Variants in IL12RB1 observed in about 807,000 individuals in gnomAD.
The protein encoded by IL12RB1 is interleukin-12 receptor subunit beta-1.
In IL12RB1, 64 loss-of-function variants were observed where a neutral mutation model predicts 94.4. The ratio of observed to expected loss-of-function variants is 0.68; its 90% CI spans 0.55 to 0.83. The LOEUF is 0.83. Among genes scored for constraint, IL12RB1 ranks in the 40% least tolerant of loss-of-function variants. IL12RB1 has a pLI of 0.00. For synonymous variants in IL12RB1, 362 were observed against 355.5 expected, an observed-to-expected ratio of 1.02 and a Z score of -0.21; for missense variants, 814 against 855.6, an observed-to-expected ratio of 0.95 and a Z score of 0.61.
intron 14 of IL12RB1, 139 bp from the exon 15 acceptor site, chr19:18,061,336 T>C: frequency 1.8e-6 from 1 of 569,356 alleles, no homozygotes; most frequent in Non-Finnish European, 3.2e-6. Flanking sequence ...GTTCAATCGA[T>C]TCTCCTGACT....
chr19:18,074,951 C>T (rs1408910784), intron 7 of IL12RB1, among the ~76,000 whole-genome samples: 2 of 151,426 alleles, frequency 1.3e-5, no homozygotes, highest in African/African-American at 2.4e-5. Context: ...ACTTGGGAGG[C>T]TGAGGCAGGA....
rs1403702969 is a variant in IL12RB1, at chr19:18,082,193, A to G, written c.196T>C (p.Tyr66His). Residue 66 changes from tyrosine (Y) to histidine (H), a missense_variant, in exon 3 of 17, where the codon TAT becomes CAT. Physicochemically the swap from Tyr to His is moderately conservative, Grantham distance 83 (BLOSUM62 2). Transcript: ENST00000593993. ...SSDRYECSWQ[Y>H]EGPTAGVSHF... ...CTGACCCCAGCTGTGGGACCCTCAT[A>G]CTGCCAGGAGCACTCGTAACGATCA... The G allele has an allele frequency of 6.2e-7, 1 of 1,613,758 alleles. No homozygotes were observed. Among genetic ancestry groups the G allele is most frequent in the African/African-American group, 1.3e-5 (1 of 74,894 alleles).
At chr19:18,061,773 G>A (rs556758234) in intron 14 of IL12RB1, among the ~76,000 whole-genome samples, 1 of 151,872 alleles carries the variant, frequency 6.6e-6, no homozygotes, top group Non-Finnish European at 1.5e-5. Flanking sequence ...TGAGACAGGA[G>A]AATGGCTTGA....
chr19:18,088,126 G>A (rs139523361), upstream of IL12RB1, among the ~76,000 whole-genome samples: 3,618 of 151,938 alleles, frequency 0.024, 133 homozygotes, highest in African/African-American at 0.082. Flanking sequence ...GGTGGCTCAC[G>A]CCTGTAATCC....
At chr19:18,061,338 C>T (rs1239263026) in intron 14 of IL12RB1, 141 bp from the exon 15 acceptor site, 3 of 569,496 alleles carry the variant, frequency 5.3e-6, no homozygotes, top group Non-Finnish European at 9.5e-6. Context: ...TCAATCGATT[C>T]TCCTGACTCA....
chr19:18,076,592 C>T (rs1177636224), intron 5 of IL12RB1, among the ~76,000 whole-genome samples: 2 of 151,890 alleles, frequency 1.3e-5, no homozygotes, highest in South Asian at 2.1e-4. Context: ...TTGGTAGAGA[C>T]GGGATTTCAC....
At chr19:18,088,674 A>C (rs1232848445), upstream of IL12RB1, among the ~76,000 whole-genome samples, 5 of 152,036 alleles carry the variant, frequency 3.3e-5, no homozygotes, top group Non-Finnish European at 7.4e-5. Context: ...CACTGTCGGC[A>C]AAGCCTCTAA....
At chr19:18,077,276 C>T (rs181122598) in intron 5 of IL12RB1, among the ~76,000 whole-genome samples, 52 of 151,894 alleles carry the variant, frequency 3.4e-4, no homozygotes, top group Admixed American at 7.2e-4. Context: ...GCAGGACAAT[C>T]GCTTGAACCC....
intron 7 of IL12RB1, among the ~76,000 whole-genome samples, chr19:18,075,203 T>C (rs2035370172): frequency 6.6e-6 from 1 of 151,840 alleles, no homozygotes; most frequent in Non-Finnish European, 1.5e-5. Flanking sequence ...CACCACCTTG[T>C]TTCTAATACC....
intron 5 of IL12RB1, among the ~76,000 whole-genome samples, chr19:18,076,612 C>T (rs537805921): frequency 1.3e-5 from 2 of 152,086 alleles, no homozygotes; most frequent in Non-Finnish European, 2.9e-5. Flanking sequence ...CCATGTTGCC[C>T]AGGCTGGTCT....
intron 1 of IL12RB1, among the ~76,000 whole-genome samples, chr19:18,094,809 A>G (rs2036811806): frequency 6.6e-6 from 1 of 152,048 alleles, no homozygotes. Flanking sequence ...ACAAAACAAA[A>G]CAACCCAAAA....
intron 2 of IL12RB1, 130 bp downstream of exon 2, chr19:18,083,302 G>T: frequency 1.2e-6 from 1 of 866,386 alleles, no homozygotes; most frequent in South Asian, 1.3e-5. Context: ...TGGTGGGGTG[G>T]GGACTCCCAA....
chr19:18,072,096 C>A lies in IL12RB1; in HGVS notation c.1021+16G>T, dbSNP rs1158557383. 2.6e-6 allele frequency: 4 copies of A among 1,566,046 alleles called. No individual in the cohort carries two copies. Among genetic ancestry groups the A allele is most frequent in the South Asian group, 1.1e-5 (1 of 90,206 alleles). On this transcript the variant is annotated intron_variant, in intron 9 of 16. Coordinates refer to ENST00000593993, the MANE Select transcript of IL12RB1 (RefSeq NM_005535.3). ...TGAGGGGCCCTCATACCGCCCTCCC[C>A]ACCCAGAGGAGGCACCTGTGTGGGT...
chr19:18,063,725 C>T, intron 13 of IL12RB1, 151 bp downstream of exon 13: 2 of 643,688 alleles, frequency 3.1e-6, no homozygotes, highest in South Asian at 2.4e-5. Context: ...CGAGAGAAGG[C>T]AATGGGAGCA....
chr19:18,075,882 G>A lies in IL12RB1; in HGVS notation c.581-14C>T. Reference sequence around the variant, plus strand: ...AGAGGCAGGACTCTGGGGAGAGGCAGGTCGAACATCAGGCCGTAAGAATTG... The same window carrying A: ...AGAGGCAGGACTCTGGGGAGAGGCAAGTCGAACATCAGGCCGTAAGAATTG... On this transcript the variant is annotated splice_polypyrimidine_tract_variant and intron_variant, in intron 6 of 16. Transcript: ENST00000593993. 2.5e-6 allele frequency: 4 copies of A among 1,612,626 alleles called. No individual in the cohort carries two copies. Among genetic ancestry groups the A allele is most frequent in the South Asian group, 1.1e-5 (1 of 91,044 alleles).
intron 1 of IL12RB1, among the ~76,000 whole-genome samples, chr19:18,093,229 C>G (rs941869747): frequency 6.6e-6 from 1 of 151,854 alleles, no homozygotes; most frequent in Non-Finnish European, 1.5e-5. Context: ...TTGCTTGAAT[C>G]CAGGAGGCGG....
rs11086087 is a variant in IL12RB1, at chr19:18,080,854, C to G, written c.387G>C (p.Val129=). 177,145 of 1,610,028 alleles carry G rather than the reference C, an allele frequency of 0.11. 10,538 individuals carry two copies. Among genetic ancestry groups the G allele is most frequent in the East Asian group, 0.24 (10,801 of 44,838 alleles). The part of the protein sequence containing the change: ...ARNQTEKSPE[V]TLQLYNSVKY... ...AACCTGAGTTGTAGAGCTGCAGGGT[C>G]ACCTCAGGAGACTTCTCTGTCTGGT... Residue 129 remains valine, a synonymous_variant, in exon 4 of 17, where the codon GTG becomes GTC. Coordinates refer to ENST00000593993, the MANE Select transcript of IL12RB1 (RefSeq NM_005535.3).
intron 7 of IL12RB1, among the ~76,000 whole-genome samples, chr19:18,073,988 C>G (rs2035268119): frequency 6.6e-6 from 1 of 152,104 alleles, no homozygotes. Flanking sequence ...CCATGTCCGG[C>G]TAATTTTTGT....
At chr19:18,070,065 G>A (rs929528612) in intron 9 of IL12RB1, among the ~76,000 whole-genome samples, 21 of 152,080 alleles carry the variant, frequency 1.4e-4, no homozygotes, top group South Asian at 2.1e-4. Context: ...ACAGGCATGC[G>A]CCACCATTTC....
Sources: gnomAD v4.1 joint callset for allele counts (sites outside exome capture counted in the v4.1 genomes callset) on GRCh38, gnomAD v4.1.1 for gene constraint, MANE v1.5 for transcripts, NCBI Gene and HGNC (gene_info 2026-07-23, HGNC 2026-07-21) for gene names.